PIP5K1B: variants seen among roughly 807,000 people sequenced by gnomAD.
The protein encoded by PIP5K1B is phosphatidylinositol 4-phosphate 5-kinase type-1 beta.
A neutral mutation model predicts 67.0 loss-of-function variants in PIP5K1B; 42 were observed. The observed-to-expected ratio is 0.63, with a 90% CI of 0.49 to 0.81. The LOEUF (loss-of-function observed/expected upper bound fraction) is 0.81, where lower values mean the gene tolerates loss of function less well. PIP5K1B is among the 30% of genes least tolerant of loss of function. The pLI is 0.00. For missense variants in PIP5K1B, 459 were observed against 646.3 expected (o/e 0.71, Z 3.14); for synonymous variants, 214 against 231.4 (o/e 0.92, Z 0.68).
At chr9:68,861,800 G>C (rs1686623526) in intron 4 of PIP5K1B, among the ~76,000 whole-genome samples, 1 of 152,130 alleles carries the variant, frequency 6.6e-6, no homozygotes, top group Admixed American at 6.6e-5. Context: ...TTAAAAGTCA[G>C]AGCTACTGGT....
intron 14 of PIP5K1B, among the ~76,000 whole-genome samples, chr9:68,968,178 A>G (rs1008646953): frequency 1.4e-4 from 22 of 152,174 alleles, no homozygotes; most frequent in Non-Finnish European, 3.1e-4. Flanking sequence ...TCCCCATACC[A>G]TAGAATCGTT....
intron 4 of PIP5K1B, among the ~76,000 whole-genome samples, chr9:68,861,668 C>T (rs533014380): frequency 4.6e-5 from 7 of 152,248 alleles, no homozygotes; most frequent in African/African-American, 1.4e-4. Context: ...TGTGGCGTAT[C>T]GGGCCCTCTG....
chr9:68,809,517 G>T (rs1237992216), intron 2 of PIP5K1B, among the ~76,000 whole-genome samples: 1 of 152,148 alleles, frequency 6.6e-6, no homozygotes, highest in Non-Finnish European at 1.5e-5. Context: ...ACGATCATAG[G>T]TGGAAGGAGC....
intron 14 of PIP5K1B, among the ~76,000 whole-genome samples, chr9:68,974,782 C>G (rs913602026): frequency 2.0e-5 from 3 of 152,238 alleles, no homozygotes; most frequent in Non-Finnish European, 4.4e-5. Flanking sequence ...CAGTGTACAT[C>G]TGTGAGAGCG....
chr9:68,715,850 T>G (rs1443460176), intron 1 of PIP5K1B, among the ~76,000 whole-genome samples: 3 of 152,232 alleles, frequency 2.0e-5, no homozygotes, highest in African/African-American at 7.2e-5. Context: ...CTGCCTAATT[T>G]CACCTGTCAT....
At chr9:68,848,371 G>C (rs1822303134) in intron 4 of PIP5K1B, among the ~76,000 whole-genome samples, 2 of 152,168 alleles carry the variant, frequency 1.3e-5, no homozygotes, top group Admixed American at 6.5e-5. Context: ...AAAAGACATA[G>C]GTAGGCAGGC....
chr9:68,972,128 T>A (rs1829402344), intron 14 of PIP5K1B, among the ~76,000 whole-genome samples: 1 of 152,218 alleles, frequency 6.6e-6, no homozygotes, highest in East Asian at 1.9e-4. Context: ...AGGTCTTATG[T>A]TTAAATCTTT....
chr9:68,982,285 G>T (rs1300988091), intron 14 of PIP5K1B, among the ~76,000 whole-genome samples: 1 of 152,108 alleles, frequency 6.6e-6, no homozygotes, highest in Non-Finnish European at 1.5e-5. Context: ...CAGAACCTAG[G>T]AAACTCTCAG....
chr9:68,898,617 C>T (rs563744451), intron 8 of PIP5K1B, among the ~76,000 whole-genome samples: 33 of 152,324 alleles, frequency 2.2e-4, no homozygotes, highest in African/African-American at 7.0e-4. Context: ...TTCCGCCAGG[C>T]CTGCACCTCT....
chr9:68,870,744 C>T (rs942964592), intron 5 of PIP5K1B, among the ~76,000 whole-genome samples: 23 of 152,204 alleles, frequency 1.5e-4, no homozygotes, highest in African/African-American at 4.3e-4. Flanking sequence ...TTCATTTATC[C>T]TGTCATACAG....
intron 15 of PIP5K1B, among the ~76,000 whole-genome samples, chr9:68,995,114 A>G (rs1234812757): frequency 1.3e-5 from 2 of 150,956 alleles, no homozygotes; most frequent in African/African-American, 4.9e-5. Context: ...ACTGCACCCC[A>G]GCCTAGGCAA....
At position 68,862,244 on chromosome 9, in the gene PIP5K1B, G is replaced by A. The variant is rs115385531; in HGVS notation, c.70-1593G>A. On this transcript the variant is annotated intron_variant, in intron 4 of 15. Coordinates refer to ENST00000265382, the MANE Select transcript of PIP5K1B (RefSeq NM_003558.4). ...TTGGGAAATGAAGCCAGTCTCAGAA[G>A]TGGTGTGGAGAGGTTGTAAGATATT... 6.8e-3 allele frequency among the ~76,000 whole-genome samples: 1,033 copies of A among 152,322 alleles called. 7 individuals carry two copies. The highest frequency in any genetic ancestry group is 0.024 in the African/African-American group (978 of 41,572).
chr9:68,863,414 C>A (rs1823202314), intron 4 of PIP5K1B, among the ~76,000 whole-genome samples: 1 of 152,094 alleles, frequency 6.6e-6, no homozygotes, highest in Non-Finnish European at 1.5e-5. Context: ...TACACACACA[C>A]ATACACACAC....
rs1587629836 is a variant in PIP5K1B at position 68,894,583 on chromosome 9, A to G, written c.716A>G (p.Tyr239Cys). 1 of 1,614,172 alleles carries G rather than the reference A, an allele frequency of 6.2e-7. No individual in the cohort carries two copies. The highest frequency in any genetic ancestry group is 8.5e-7 in the Non-Finnish European group (1 of 1,179,964). The change falls in exon 8 of 16, where the codon TAT (tyrosine) becomes TGT (cysteine). Residue 239 changes from tyrosine (Y) to cysteine (C), a missense_variant. Around this residue, in one of 2 missense-constraint regions of PIP5K1B, gnomAD observed 290 missense variants for 474.4 expected, o/e 0.61. Coordinates refer to ENST00000265382, the MANE Select transcript of PIP5K1B (RefSeq NM_003558.4). ...DFLQDMHEGL[Y>C]FDTETYNALM... The stretch of plus-strand genomic sequence containing the variant: ...CTGCAAGACATGCACGAAGGGTTGT[A>G]TTTTGATACGGAAACATACAACGCG...
At chr9:68,718,891 G>GTGATT (rs1463177406) in intron 1 of PIP5K1B, among the ~76,000 whole-genome samples, 1 of 151,880 alleles carries the variant, frequency 6.6e-6, no homozygotes, top group Non-Finnish European at 1.5e-5. Context: ...TTCACTCATT[G>GTGATT]TTGGCTATTG....
chr9:68,935,094 T>G, intron 13 of PIP5K1B, 49 bp downstream of exon 13: 1 of 1,499,524 alleles, frequency 6.7e-7, no homozygotes, highest in Non-Finnish European at 9.2e-7. Flanking sequence ...TGTGATTTAT[T>G]TATACAAGTA....
intron 4 of PIP5K1B, among the ~76,000 whole-genome samples, chr9:68,858,607 G>GT (rs1822903967): frequency 6.6e-6 from 1 of 152,164 alleles, no homozygotes; most frequent in African/African-American, 2.4e-5. Context: ...AAGCTAAGGG[G>GT]TTTGGACTTA....
At chr9:68,907,646 G>C (rs566394670) in intron 8 of PIP5K1B, among the ~76,000 whole-genome samples, 1 of 152,040 alleles carries the variant, frequency 6.6e-6, no homozygotes, top group African/African-American at 2.4e-5. Flanking sequence ...AACAATCCTA[G>C]AGCATGGATC....
chr9:68,830,996 A>G (rs1325596044), intron 4 of PIP5K1B, among the ~76,000 whole-genome samples: 1 of 152,116 alleles, frequency 6.6e-6, no homozygotes, highest in Non-Finnish European at 1.5e-5. Context: ...GATTTTTTTT[A>G]AGGTGGCTCT....
Sources: allele counts gnomAD v4.1 joint callset (sites outside exome capture counted in the v4.1 genomes callset), GRCh38; gene constraint gnomAD v4.1.1; regional missense constraint gnomAD v4.1.1; transcripts MANE v1.5; gene names NCBI Gene and HGNC (gene_info 2026-07-23, HGNC 2026-07-21).